KPNA7: variants seen among roughly 807,000 people sequenced by gnomAD.
KPNA7 encodes importin subunit alpha-8.
In KPNA7, 54 loss-of-function variants were observed where a neutral mutation model predicts 53.7. The ratio of observed to expected loss-of-function variants is 1.01; its 90% CI spans 0.81 to 1.26. KPNA7 has a LOEUF of 1.26. Ranked by LOEUF, KPNA7 falls within the 50% of genes most tolerant of loss-of-function variation. The probability of loss-of-function intolerance (pLI) is 0.00; values close to 1 mark genes in which losing one functional copy is unlikely to be tolerated. For missense variants in KPNA7, 640 were observed against 644.5 expected, an observed-to-expected ratio of 0.99 and a Z score of 0.07; for synonymous variants, 276 against 259.3, an observed-to-expected ratio of 1.06 and a Z score of -0.62.
chr7:99,214,869 G>A (rs1471488380), intron 1 of KPNA7, among the ~76,000 whole-genome samples: 1 of 152,042 alleles, frequency 6.6e-6, no homozygotes, highest in Non-Finnish European at 1.5e-5. Context: ...GGCCACTTCT[G>A]AAATACCTGC....
At chr7:99,176,297 C>CAAAAAAAAA (rs1491289534) in intron 10 of KPNA7, among the ~76,000 whole-genome samples, 2 of 57,100 alleles carry the variant, frequency 3.5e-5, no homozygotes, top group African/African-American at 5.5e-5. Flanking sequence ...GACTACGTCT[C>CAAAAAAAAA]AAAAAAAAAA....
intron 1 of KPNA7, among the ~76,000 whole-genome samples, chr7:99,215,101 C>T (rs1791182457): frequency 1.3e-5 from 2 of 151,780 alleles, no homozygotes; most frequent in African/African-American, 4.8e-5. Flanking sequence ...AAACTCGGCG[C>T]GGTGGCTCAT....
At chr7:99,206,365 T>C (rs902392508) in intron 2 of KPNA7, among the ~76,000 whole-genome samples, 1 of 152,154 alleles carries the variant, frequency 6.6e-6, no homozygotes, top group Non-Finnish European at 1.5e-5. Context: ...TTTCACCATG[T>C]TGGCCAGGCT....
At position 99,181,701 on chromosome 7, in the gene KPNA7, C is replaced by A. The variant is rs181588348; in HGVS notation, c.1317+182G>T. Among the ~76,000 whole-genome samples, 177 of 152,264 alleles carry A rather than the reference C, an allele frequency of 1.2e-3. 2 individuals are homozygous for A. The highest frequency in any genetic ancestry group is 4.2e-3 in the African/African-American group (175 of 41,566). On this transcript the variant is annotated intron_variant, in intron 9 of 10. Coordinates refer to ENST00000327442, the MANE Select transcript of KPNA7 (RefSeq NM_001145715.3). The stretch of plus-strand genomic sequence containing the variant: ...GTAGCTGGGATACAGGCATGCACTA[C>A]CTTTCCCGGCTAATTTGACGGGGTT...
At chr7:99,200,839 A>T (rs903364636) in intron 3 of KPNA7, among the ~76,000 whole-genome samples, 2 of 152,090 alleles carry the variant, frequency 1.3e-5, no homozygotes, top group African/African-American at 4.8e-5. Flanking sequence ...CAGGTGATGC[A>T]TGCCTGTAAT....
chr7:99,196,962 C>A (rs1460737290), intron 3 of KPNA7, among the ~76,000 whole-genome samples: 1 of 152,052 alleles, frequency 6.6e-6, no homozygotes, highest in East Asian at 1.9e-4. Context: ...GGATAAACAA[C>A]AGGCTAACAA....
rs116005454 is a variant in KPNA7 at position 99,192,504 on chromosome 7, C to T, written c.636+515G>A. Among the ~76,000 whole-genome samples, 1,037 of 152,320 alleles carry T rather than the reference C, an allele frequency of 6.8e-3. 13 individuals are homozygous for T. Among genetic ancestry groups the T allele is most frequent in the African/African-American group, 0.023 (969 of 41,570 alleles). On this transcript the variant is annotated intron_variant, in intron 6 of 10. Coordinates refer to ENST00000327442, the MANE Select transcript of KPNA7 (RefSeq NM_001145715.3). ...CTTGGCTCTCTGCAGCCTCCCTCTC[C>T]TGGGCTCAAGCAATCCTTCCACCTC...
intron 3 of KPNA7, 132 bp from the exon 4 acceptor site, chr7:99,196,298 T>C (rs1474401075): frequency 1.5e-6 from 1 of 646,098 alleles, no homozygotes; most frequent in Non-Finnish European, 2.8e-6. Context: ...TGCTGTTCTA[T>C]ATTTGGGGAG....
chr7:99,211,917 T>C (rs1791081944), upstream of KPNA7, among the ~76,000 whole-genome samples: 1 of 152,118 alleles, frequency 6.6e-6, no homozygotes, highest in Non-Finnish European at 1.5e-5. Flanking sequence ...AGGTGGAGGG[T>C]GACACCTGGT....
downstream of KPNA7, among the ~76,000 whole-genome samples, chr7:99,170,291 T>G (rs1798748608): frequency 6.6e-6 from 1 of 152,086 alleles, no homozygotes; most frequent in Non-Finnish European, 1.5e-5. Context: ...GATAGGATCT[T>G]GCGCTAATGA....
chr7:99,184,960 A>G lies in KPNA7; in HGVS notation c.1103T>C (p.Val368Ala). 1.3e-6 allele frequency: 2 copies of G among 1,552,064 alleles called. No homozygotes were observed. Among genetic ancestry groups the G allele is most frequent in the Non-Finnish European group, 1.7e-6 (2 of 1,147,082 alleles). The change falls in exon 8 of 11, where the codon GTC becomes GCC. Residue 368 changes from valine (V) to alanine (A), a missense_variant. Transcript: ENST00000327442. ...TAGCAGAGCCACCAAGGGAGGCAAGACGTCGTAGGCAAGCAGCTGCTGGAT... is the reference window on the plus strand; with the variant it reads ...TAGCAGAGCCACCAAGGGAGGCAAGGCGTCGTAGGCAAGCAGCTGCTGGAT... ...HHIQQLLAYD[V>A]LPPLVALLKN...
rs1176775139 is a variant in KPNA7, at chr7:99,207,456, A to G, written c.11T>C (p.Leu4Ser). Residue 4 changes from leucine (L) to serine (S), a missense_variant, in exon 2 of 11, where the codon TTA becomes TCA. Physicochemically the swap from Leu to Ser is moderately radical, Grantham distance 145. Coordinates refer to ENST00000327442, the MANE Select transcript of KPNA7 (RefSeq NM_001145715.3). MPT[L>S]DAPEERRRKF... Reference sequence around the variant, plus strand: ...TCTCCGCCTCTCTTCTGGAGCATCTAAGGTCGGCATATTGACTGGAAGTAG... The same window carrying G: ...TCTCCGCCTCTCTTCTGGAGCATCTGAGGTCGGCATATTGACTGGAAGTAG... 6 of 1,551,074 alleles carry G rather than the reference A, an allele frequency of 3.9e-6. No homozygotes were observed. Among genetic ancestry groups the G allele is most frequent in the African/African-American group, 2.7e-5 (2 of 72,904 alleles).
intron 2 of KPNA7, among the ~76,000 whole-genome samples, chr7:99,206,834 G>A (rs868181194): frequency 4.6e-5 from 7 of 152,010 alleles, no homozygotes; most frequent in Admixed American, 6.6e-5. Flanking sequence ...AAGATTCCAC[G>A]GAAACTTTGA....
chr7:99,163,359 GTATATATATA>G, the KPNA7 span, among the ~76,000 whole-genome samples: 4 of 66,420 alleles, frequency 6.0e-5, no homozygotes, highest in East Asian at 3.5e-4. Flanking sequence ...ATGAGTGTGT[GTATATATATA>G]TATATATATA....
At chr7:99,192,307 T>C (rs1300378307) in intron 6 of KPNA7, among the ~76,000 whole-genome samples, 3 of 152,204 alleles carry the variant, frequency 2.0e-5, no homozygotes, top group African/African-American at 7.2e-5. Flanking sequence ...GATGGCAAGC[T>C]TGTAGGCCTC....
intron 3 of KPNA7, among the ~76,000 whole-genome samples, chr7:99,200,567 G>C (rs1790469530): frequency 6.6e-6 from 1 of 152,144 alleles, no homozygotes; most frequent in South Asian, 2.1e-4. Context: ...TCATAACCCA[G>C]TTATTCTCAG....
At chr7:99,146,724 A>C in the KPNA7 span, among the ~76,000 whole-genome samples, 123 of 23,624 alleles carry the variant, frequency 5.2e-3, 2 homozygotes, top group African/African-American at 9.1e-3. Context: ...AAAAAAAAAA[A>C]AAAAAAAAAA....
At chr7:99,187,679 G>A (rs1009754526) in intron 7 of KPNA7, among the ~76,000 whole-genome samples, 8 of 149,776 alleles carry the variant, frequency 5.3e-5, no homozygotes, top group African/African-American at 1.5e-4. Context: ...TCAGCCTCCC[G>A]AGTAGCTGGA....
intron 7 of KPNA7, 126 bp downstream of exon 7, chr7:99,188,174 C>CA (rs59219718): frequency 0.079 from 30,569 of 387,710 alleles, 1,648 homozygotes; most frequent in African/African-American, 0.12. Context: ...GACTCTGTCT[C>CA]AAAAAAAAAA....
Sources: allele counts gnomAD v4.1 joint callset (sites outside exome capture counted in the v4.1 genomes callset), GRCh38; gene constraint gnomAD v4.1.1; transcripts MANE v1.5; gene names NCBI Gene and HGNC (gene_info 2026-07-23, HGNC 2026-07-21).